Variants in DMD observed in about 807,000 individuals in gnomAD.
DMD encodes dystrophin.
Under a neutral mutation model 330.1 loss-of-function variants are expected in DMD, and 63 were observed. The ratio of observed to expected loss-of-function variants is 0.19; its 90% CI spans 0.16 to 0.24. The LOEUF (loss-of-function observed/expected upper bound fraction) is 0.24. Ranked by LOEUF, DMD falls within the 10% of genes least tolerant of loss-of-function variation. The pLI is 1.00. For missense variants in DMD, 3,344 were observed against 2,684.1 expected (o/e 1.25, Z -5.43); for synonymous variants, 1,223 against 959.8 (o/e 1.27, Z -5.07).
At chrX:33,184,629 T>C (rs971661436) in intron 1 of DMD, among the ~76,000 whole-genome samples, 5 of 111,031 alleles carry the variant, frequency 4.5e-5, no homozygotes, top group African/African-American at 1.6e-4. Flanking sequence ...TGGAATAAAA[T>C]TGATACTTTA....
At chrX:32,424,507 G>T (rs890599086) in intron 29 of DMD, among the ~76,000 whole-genome samples, 1 of 111,622 alleles carries the variant, frequency 9.0e-6, no homozygotes, top group African/African-American at 3.2e-5. Flanking sequence ...AAGCATTTCA[G>T]GTGTACAAAT....
chrX:31,686,236 T>C (rs1044169819), intron 52 of DMD, among the ~76,000 whole-genome samples: 2 of 112,686 alleles, frequency 1.8e-5, no homozygotes, highest in African/African-American at 6.4e-5. Context: ...CTTCAATAAA[T>C]GTCTGTCAAA....
At chrX:32,842,573 G>A (rs955048253) in intron 4 of DMD, among the ~76,000 whole-genome samples, 1 of 111,084 alleles carries the variant, frequency 9.0e-6, no homozygotes, top group Non-Finnish European at 1.9e-5. Flanking sequence ...TATCACGTAG[G>A]AGTCTCAAAG....
At chrX:31,300,191 C>T (rs758729407) in intron 62 of DMD, among the ~76,000 whole-genome samples, 5 of 112,007 alleles carry the variant, frequency 4.5e-5, no homozygotes, top group African/African-American at 1.6e-4. Flanking sequence ...TCAGTGAAAT[C>T]ATTTTATGTC....
intron 60 of DMD, among the ~76,000 whole-genome samples, chrX:31,421,759 T>C (rs2063372920): frequency 9.3e-6 from 1 of 107,873 alleles, no homozygotes; most frequent in Non-Finnish European, 1.9e-5. Flanking sequence ...AATGAGAACG[T>C]CTCAGCTAAG....
At chrX:32,206,918 A>G (rs975300030) in intron 44 of DMD, among the ~76,000 whole-genome samples, 1 of 111,918 alleles carries the variant, frequency 8.9e-6, no homozygotes, top group African/African-American at 3.2e-5. Context: ...GTTTTTAAAG[A>G]TGGAACTCCA....
At position 31,522,363 on chromosome X, in the gene DMD, C is replaced by CTATATATA. The variant is rs1556678891; in HGVS notation, c.8218-14918_8218-14911dup. On this transcript the variant is annotated intron_variant, in intron 55 of 78. Transcript: ENST00000357033. Reference sequence around the variant, plus strand: ...TCTCTCTCTCTCTCTCTCTCTCTCTCTATATATATATATATATATATATAG... The same window carrying CTATATATA: ...TCTCTCTCTCTCTCTCTCTCTCTCTCTATATATATATATATATATATATATATATATAG... Among the ~76,000 whole-genome samples the CTATATATA allele has an allele frequency of 1.1e-3, 38 of 35,943 alleles. 1 individual carries two copies. Among genetic ancestry groups the CTATATATA allele is most frequent in the African/African-American group, 3.8e-3 (20 of 5,280 alleles). The allele number at this position is 35,943 out of a possible 115,157, so 31.2% of individuals were successfully genotyped here.
chrX:31,689,973 G>A (rs1188426777), intron 52 of DMD, among the ~76,000 whole-genome samples: 1 of 112,004 alleles, frequency 8.9e-6, no homozygotes, highest in Non-Finnish European at 1.9e-5. Flanking sequence ...ATTAATTCAA[G>A]ATGGATTGAA....
chrX:32,737,831 A>G (rs370977251), intron 7 of DMD, among the ~76,000 whole-genome samples: 2 of 111,925 alleles, frequency 1.8e-5, no homozygotes, highest in East Asian at 2.8e-4. Context: ...AAATATGTGA[A>G]CAAATTGATC....
intron 44 of DMD, among the ~76,000 whole-genome samples, chrX:32,193,505 G>A (rs2096985003): frequency 9.0e-6 from 1 of 111,352 alleles, no homozygotes; most frequent in Non-Finnish European, 1.9e-5. Context: ...TGTATTGATG[G>A]TGCTTTTAGT....
chrX:32,136,102 T>C (rs1025760234), intron 44 of DMD, among the ~76,000 whole-genome samples: 1 of 112,871 alleles, frequency 8.9e-6, no homozygotes, highest in Non-Finnish European at 1.9e-5. Flanking sequence ...TAAAATGTTC[T>C]GCTATTTAAT....
intron 43 of DMD, among the ~76,000 whole-genome samples, chrX:32,256,597 T>A (rs2097300109): frequency 9.0e-6 from 1 of 111,255 alleles, no homozygotes. Flanking sequence ...AGGCAGTTTC[T>A]TCATAGGGTC....
At chrX:33,300,480 T>A (rs1014539175) in intron 1 of DMD, among the ~76,000 whole-genome samples, 1 of 112,181 alleles carries the variant, frequency 8.9e-6, no homozygotes, top group African/African-American at 3.2e-5. Context: ...AGACAAACTA[T>A]AACTCTTTGT....
At chrX:32,075,519 T>C (rs1171061766) in intron 44 of DMD, among the ~76,000 whole-genome samples, 1 of 111,921 alleles carries the variant, frequency 8.9e-6, no homozygotes, top group Non-Finnish European at 1.9e-5. Flanking sequence ...AATGTGAAGT[T>C]ATTACAACTG....
chrX:32,236,480 T>C (rs1004378380), intron 43 of DMD, among the ~76,000 whole-genome samples: 2 of 111,990 alleles, frequency 1.8e-5, no homozygotes, highest in Non-Finnish European at 3.8e-5. Context: ...TTTGGCAGTG[T>C]CCCCACCCAA....
intron 2 of DMD, among the ~76,000 whole-genome samples, chrX:33,017,191 G>T (rs1385477529): frequency 1.8e-5 from 2 of 111,457 alleles, no homozygotes; most frequent in Non-Finnish European, 3.8e-5. Context: ...GACACATTTG[G>T]CTTCAAATGA....
chrX:32,010,076 A>AT lies in DMD; in HGVS notation c.6439-41563dup, dbSNP rs202226053. 7.1e-3 allele frequency among the ~76,000 whole-genome samples: 778 copies of AT among 109,322 alleles called. 8 individuals carry two copies. Among genetic ancestry groups the AT allele is most frequent in the African/African-American group, 0.024 (714 of 30,162 alleles). The allele number at this position is 109,322 out of a possible 115,157, so 94.9% of individuals were successfully genotyped here. ...GTTTGTCTTACCTCAGTGAGGACAAATTTTTTTTTTCAGTGCTGTAATTCC... is the reference window on the plus strand; with the variant it reads ...GTTTGTCTTACCTCAGTGAGGACAAATTTTTTTTTTTCAGTGCTGTAATTCC... On this transcript the variant is annotated intron_variant, in intron 44 of 78. Coordinates refer to ENST00000357033, the MANE Select transcript of DMD (RefSeq NM_004006.3).
At chrX:32,562,067 G>A (rs2051078343) in intron 16 of DMD, among the ~76,000 whole-genome samples, 1 of 111,651 alleles carries the variant, frequency 9.0e-6, no homozygotes, top group African/African-American at 3.3e-5. Context: ...AAGGCAATTA[G>A]AAAAAACTGC....
At chrX:32,828,666 C>CTAT (rs2078935285) in intron 4 of DMD, among the ~76,000 whole-genome samples, 5 of 101,229 alleles carry the variant, frequency 4.9e-5, no homozygotes, top group African/African-American at 2.1e-4. Flanking sequence ...TATACATACA[C>CTAT]ACACATATAT....
Sources: gnomAD v4.1 joint callset for allele counts (sites outside exome capture counted in the v4.1 genomes callset) on GRCh38, gnomAD v4.1.1 for gene constraint, MANE v1.5 for transcripts, NCBI Gene and HGNC (gene_info 2026-07-23, HGNC 2026-07-21) for gene names.